SNX9: variants seen among roughly 807,000 people sequenced by gnomAD.
SNX9 encodes the protein sorting nexin 9.
SNX9 carries 44 observed loss-of-function variants against 89.4 expected under a neutral mutation model. The ratio of observed to expected loss-of-function variants is 0.49; its 90% CI spans 0.39 to 0.63. SNX9 has a LOEUF of 0.63. Ranked by LOEUF, SNX9 falls within the 30% of genes least tolerant of loss-of-function variation. The probability of loss-of-function intolerance (pLI) is 0.00; values close to 1 mark genes in which losing one functional copy is unlikely to be tolerated. For missense variants in SNX9, 578 were observed against 736.1 expected (o/e 0.79, Z 2.49); for synonymous variants, 236 against 247.8 (o/e 0.95, Z 0.45).
rs1781280002 is a variant in SNX9, at chr6:157,823,554, GC to G, written c.12+110del. The G allele has an allele frequency of 3.1e-6, 3 of 965,874 alleles. No individual in the cohort carries two copies. In the East Asian group the frequency reaches 1.3e-4, roughly 43 times the overall value. 59.8% of individuals were successfully genotyped at this position (965,874 alleles called of 1,614,324 possible). A position where few individuals can be genotyped will look rare whatever the true frequency, so the allele number is the denominator to read the frequency against. On this transcript the variant is annotated intron_variant, in intron 1 of 17. Coordinates refer to ENST00000392185, the MANE Select transcript of SNX9 (RefSeq NM_016224.5). This position sits in a 1 kb window ranked among gnomAD's most constrained non-coding sequence, Gnocchi z 4.6. ...GGTCGGGGCCAGGGGTGGTCGAGGG[GC>G]CACTCCGCTTCCTCGGTGGAGTCCC...
At position 157,823,814 on chromosome 6, in the gene SNX9, C is replaced by G. The variant is rs1044671922; in HGVS notation, c.12+368C>G. On this transcript the variant is annotated intron_variant, in intron 1 of 17. Transcript: ENST00000392185. This position sits in a 1 kb window ranked among gnomAD's most constrained non-coding sequence, Gnocchi z 4.6. ...GGGGAGGCCCCCGAGGCGACTGGCG[C>G]TCTGTGGCGTCCGGCGTCCCCGCCG... Among the ~76,000 whole-genome samples the G allele has an allele frequency of 6.6e-6, 1 of 151,968 alleles. No individual in the cohort carries two copies. Among genetic ancestry groups the G allele is most frequent in the Non-Finnish European group, 1.5e-5 (1 of 67,932 alleles).
chr6:157,883,016 A>G (rs968570219), intron 4 of SNX9, among the ~76,000 whole-genome samples: 21 of 152,282 alleles, frequency 1.4e-4, no homozygotes, highest in East Asian at 1.9e-4. Flanking sequence ...GGAAGAGTCA[A>G]TTGACATGGC....
Position 157,878,949 on chromosome 6 carries a change from A to C in SNX9, c.300+3773A>C, listed in dbSNP as rs185753689. On this transcript the variant is annotated intron_variant, in intron 4 of 17. Transcript: ENST00000392185. ...TGGTGGGGGAAGGTACTAATAGTTA[A>C]TATACTTGGGAAAATGCTCATTTTA... Among the ~76,000 whole-genome samples the C allele has an allele frequency of 2.0e-5, 3 of 152,284 alleles. No homozygotes were observed. The East Asian group carries it at 5.8e-4, about 29-fold the overall frequency.
rs1029389198 is a variant in SNX9 at position 157,823,608 on chromosome 6, C to T, written c.12+162C>T. On this transcript the variant is annotated intron_variant, in intron 1 of 17. Coordinates refer to ENST00000392185, the MANE Select transcript of SNX9 (RefSeq NM_016224.5). This position sits in a 1 kb window ranked among gnomAD's most constrained non-coding sequence, Gnocchi z 4.6. The stretch of plus-strand genomic sequence containing the variant: ...GGCGGGTCCGCGGCCCAGCCAGTCC[C>T]TTCTGGGCATGGGTGCGGCGGGCAG... Among the ~76,000 whole-genome samples, 3 of 151,910 alleles carry T rather than the reference C, an allele frequency of 2.0e-5. No individual in the cohort carries two copies. The highest frequency in any genetic ancestry group is 4.8e-5 in the African/African-American group (2 of 41,406).
intron 1 of SNX9, among the ~76,000 whole-genome samples, chr6:157,840,987 T>C (rs1485942082): frequency 1.3e-5 from 2 of 152,176 alleles, no homozygotes; most frequent in African/African-American, 4.8e-5. Context: ...CCATTTCTGA[T>C]CAGCGACTCA....
intron 4 of SNX9, among the ~76,000 whole-genome samples, chr6:157,878,374 C>G (rs1311582501): frequency 1.3e-5 from 2 of 151,368 alleles, no homozygotes; most frequent in Admixed American, 1.3e-4. Context: ...TATTAAACTA[C>G]TTGGAGAAAA....
chr6:157,929,168 C>T (rs1052984266), intron 12 of SNX9, among the ~76,000 whole-genome samples: 2 of 152,192 alleles, frequency 1.3e-5, no homozygotes, highest in Non-Finnish European at 2.9e-5. Context: ...CTGTCAGTCA[C>T]GGCTTTCTGA....
chr6:157,898,293 A>T lies in SNX9; in HGVS notation c.472+1295A>T, dbSNP rs140882271. 3.3e-5 allele frequency among the ~76,000 whole-genome samples: 5 copies of T among 152,364 alleles called. No homozygotes were observed. In the East Asian group the frequency reaches 9.6e-4, roughly 29 times the overall value. ...AGTTCAGTCTTACTTATCTGTGTGA[A>T]GTCACAGATTCAAACGCTGGGTTGG... On this transcript the variant is annotated intron_variant, in intron 5 of 17. Transcript: ENST00000392185.
At chr6:157,836,684 A>C (rs1240956093) in intron 1 of SNX9, among the ~76,000 whole-genome samples, 1 of 151,154 alleles carries the variant, frequency 6.6e-6, no homozygotes, top group Non-Finnish European at 1.5e-5. Context: ...TCCGCCTCCC[A>C]GGTTCACGCC....
intron 4 of SNX9, among the ~76,000 whole-genome samples, chr6:157,894,406 G>A (rs1369975849): frequency 4.1e-5 from 6 of 147,434 alleles, no homozygotes; most frequent in African/African-American, 7.6e-5. Flanking sequence ...CACTGTGCCC[G>A]GCCCCTATAT....
intron 7 of SNX9, among the ~76,000 whole-genome samples, chr6:157,909,122 A>G (rs533821911): frequency 3.9e-5 from 6 of 152,302 alleles, no homozygotes; most frequent in East Asian, 1.9e-4. Flanking sequence ...AATCGTTTCT[A>G]TGAGCCAGAA....
chr6:157,834,777 T>C (rs1017233834), intron 1 of SNX9, among the ~76,000 whole-genome samples: 2 of 152,174 alleles, frequency 1.3e-5, no homozygotes, highest in Admixed American at 6.5e-5. Context: ...ACGTTCAACC[T>C]GGAGGTCCAT....
intron 1 of SNX9, among the ~76,000 whole-genome samples, chr6:157,860,157 A>G (rs1583203709): frequency 1.3e-5 from 2 of 152,328 alleles, no homozygotes; most frequent in East Asian, 3.9e-4. Context: ...AATAAAATCA[A>G]AGTGTTTTGT....
intron 1 of SNX9, among the ~76,000 whole-genome samples, chr6:157,851,446 T>A (rs1181700842): frequency 6.6e-6 from 1 of 151,356 alleles, no homozygotes; most frequent in Non-Finnish European, 1.5e-5. Context: ...TCTAGAACTT[T>A]TTTCACCATC....
chr6:157,836,326 A>C (rs1781582698), intron 1 of SNX9, among the ~76,000 whole-genome samples: 1 of 152,212 alleles, frequency 6.6e-6, no homozygotes, highest in Non-Finnish European at 1.5e-5. Context: ...TACAAGTATT[A>C]AATTTTTTTC....
intron 4 of SNX9, among the ~76,000 whole-genome samples, chr6:157,894,567 A>C (rs934240019): frequency 6.6e-6 from 1 of 151,840 alleles, no homozygotes; most frequent in Non-Finnish European, 1.5e-5. Context: ...CTCTACTGGA[A>C]TATTCTTTGA....
intron 5 of SNX9, among the ~76,000 whole-genome samples, chr6:157,900,872 G>A (rs899922221): frequency 6.6e-6 from 1 of 152,222 alleles, no homozygotes; most frequent in African/African-American, 2.4e-5. Context: ...AGGACGTGAA[G>A]CTAGACAACC....
At chr6:157,867,762 A>T in intron 2 of SNX9, 129 bp downstream of exon 2, 1 of 754,232 alleles carries the variant, frequency 1.3e-6, no homozygotes. Context: ...ATTTTTTTGT[A>T]AGTTAATCAT....
At chr6:157,866,358 G>A (rs1043056035) in intron 1 of SNX9, among the ~76,000 whole-genome samples, 5 of 152,196 alleles carry the variant, frequency 3.3e-5, no homozygotes, top group African/African-American at 1.2e-4. Context: ...AAGATCTCTT[G>A]AGCCCAGGAG....
Sources: gnomAD v4.1 joint callset for allele counts (sites outside exome capture counted in the v4.1 genomes callset) on GRCh38, gnomAD v4.1.1 for gene constraint, Gnocchi (gnomAD v3.1) non-coding constraint, MANE v1.5 for transcripts, NCBI Gene and HGNC (gene_info 2026-07-23, HGNC 2026-07-21) for gene names.